Variants in PRKN observed in about 807,000 individuals in gnomAD.
The protein encoded by PRKN is parkin RBR E3 ubiquitin protein ligase, also known as E3 ubiquitin-protein ligase parkin.
A neutral mutation model predicts 59.5 loss-of-function variants in PRKN; 56 were observed. The observed-to-expected ratio is 0.94, with a 90% CI of 0.76 to 1.18. The LOEUF is 1.18. Ranked by LOEUF, PRKN falls within the 50% of genes most tolerant of loss-of-function variation. The probability of loss-of-function intolerance (pLI) is 0.00; values close to 1 mark genes in which losing one functional copy is unlikely to be tolerated. For missense variants in PRKN, 657 were observed against 596.4 expected (o/e 1.10, Z -1.06); for synonymous variants, 250 against 222.1 (o/e 1.13, Z -1.12).
intron 2 of PRKN, among the ~76,000 whole-genome samples, chr6:162,387,869 T>A (rs1786935043): frequency 6.6e-6 from 1 of 152,214 alleles, no homozygotes; most frequent in Admixed American, 6.5e-5. Context: ...GGCCTCTGGC[T>A]GAGTAGATGC....
chr6:161,492,822 T>C (rs1396837136), intron 9 of PRKN, among the ~76,000 whole-genome samples: 5 of 152,160 alleles, frequency 3.3e-5, no homozygotes, highest in African/African-American at 9.7e-5. Context: ...ATGGCATGCA[T>C]TGATGAACGT....
intron 1 of PRKN, among the ~76,000 whole-genome samples, chr6:162,716,212 T>C (rs1235239003): frequency 6.6e-6 from 1 of 152,246 alleles, no homozygotes; most frequent in African/African-American, 2.4e-5. Context: ...ATTTATTCCA[T>C]ATTAGAGTTT....
chr6:161,364,998 G>C (rs1332905539), intron 10 of PRKN, among the ~76,000 whole-genome samples: 1 of 151,962 alleles, frequency 6.6e-6, no homozygotes, highest in African/African-American at 2.4e-5. Flanking sequence ...GTGAGAATTG[G>C]ATGATTCTAA....
At chr6:161,594,358 G>A (rs1013174156) in intron 7 of PRKN, among the ~76,000 whole-genome samples, 1 of 152,138 alleles carries the variant, frequency 6.6e-6, no homozygotes, top group East Asian at 1.9e-4. Flanking sequence ...AGAGAAGGAA[G>A]GAAAGAAAGA....
At chr6:161,627,946 T>A (rs1452355991) in intron 7 of PRKN, among the ~76,000 whole-genome samples, 1 of 152,112 alleles carries the variant, frequency 6.6e-6, no homozygotes, top group East Asian at 1.9e-4. Context: ...TTATTTTTTA[T>A]TTTTTGGCTT....
chr6:162,309,955 A>G (rs1040904530), intron 2 of PRKN, among the ~76,000 whole-genome samples: 1 of 152,202 alleles, frequency 6.6e-6, no homozygotes, highest in African/African-American at 2.4e-5. Flanking sequence ...ATGTAAGAAC[A>G]TGCTGTGTTT....
chr6:162,546,371 G>A (rs981330814), intron 1 of PRKN, among the ~76,000 whole-genome samples: 2 of 151,920 alleles, frequency 1.3e-5, no homozygotes, highest in African/African-American at 4.8e-5. Context: ...CCAAAGTGCT[G>A]GGATTACAGG....
rs546665661 is a variant in PRKN, at chr6:161,352,204, C to G, written c.1286-1993G>C. Among the ~76,000 whole-genome samples the G allele has an allele frequency of 6.6e-6, 1 of 152,152 alleles. No individual in the cohort carries two copies. Among genetic ancestry groups the G allele is most frequent in the Non-Finnish European group, 1.5e-5 (1 of 68,028 alleles). ...TGCCAAATTTTCCAAGTAATTGGTT[C>G]GGTGCTGTCTCACTTTTATTATTAG... On this transcript the variant is annotated intron_variant, in intron 11 of 11. Transcript: ENST00000366898. This position sits in a 1 kb window ranked among gnomAD's most constrained non-coding sequence, Gnocchi z 5.8.
chr6:161,954,796 C>T (rs1422635162), intron 6 of PRKN, among the ~76,000 whole-genome samples: 1 of 152,170 alleles, frequency 6.6e-6, no homozygotes, highest in Non-Finnish European at 1.5e-5. Context: ...TGCTTTATCT[C>T]TGTACAACCA....
At chr6:162,174,021 C>G (rs898118763) in intron 4 of PRKN, among the ~76,000 whole-genome samples, 2 of 152,020 alleles carry the variant, frequency 1.3e-5, no homozygotes, top group Non-Finnish European at 2.9e-5. Flanking sequence ...CTGCTCTATG[C>G]GTAATCTTTG....
intron 7 of PRKN, among the ~76,000 whole-genome samples, chr6:161,726,875 GTTC>G (rs1489507685): frequency 6.6e-6 from 1 of 152,090 alleles, no homozygotes; most frequent in Non-Finnish European, 1.5e-5. Context: ...ATTTAAGGAA[GTTC>G]TTCTTGTTCT....
At chr6:161,708,108 T>G (rs1786583989) in intron 7 of PRKN, among the ~76,000 whole-genome samples, 1 of 152,202 alleles carries the variant, frequency 6.6e-6, no homozygotes. Flanking sequence ...TGAATATGAT[T>G]CTTCTCAATA....
chr6:162,399,503 G>C (rs1200387529), intron 2 of PRKN, among the ~76,000 whole-genome samples: 1 of 152,092 alleles, frequency 6.6e-6, no homozygotes, highest in South Asian at 2.1e-4. Context: ...ACATGTCCAT[G>C]AAACCCAAGT....
chr6:162,258,168 T>A (rs899838797), intron 3 of PRKN, among the ~76,000 whole-genome samples: 6 of 152,148 alleles, frequency 3.9e-5, no homozygotes, highest in Admixed American at 6.5e-5. Context: ...TCCCCACCAA[T>A]ACTCTTTGTC....
chr6:162,461,852 G>T (rs1791194695), intron 1 of PRKN, among the ~76,000 whole-genome samples: 1 of 151,604 alleles, frequency 6.6e-6, no homozygotes, highest in South Asian at 2.1e-4. Context: ...CAATGAAGAA[G>T]AGTGGCTAAA....
At chr6:162,721,962 C>T (rs1019250946) in intron 1 of PRKN, among the ~76,000 whole-genome samples, 1 of 152,156 alleles carries the variant, frequency 6.6e-6, no homozygotes, top group African/African-American at 2.4e-5. Context: ...TGAAAAATCA[C>T]GTGTTGCAGG....
In PRKN at chr6:162,692,242, G is replaced by C. The variant is rs116513202; in HGVS notation, c.7+35420C>G. 3.3e-5 allele frequency among the ~76,000 whole-genome samples: 5 copies of C among 151,538 alleles called. No homozygotes were observed. The South Asian group carries it at 6.3e-4, about 19-fold the overall frequency. On this transcript the variant is annotated intron_variant, in intron 1 of 11. Transcript: ENST00000366898. ...GGGATTTCATTTCCCTGTGTATCAA[G>C]AGACTTGTGCAGTAAAGGGTTAACT...
At chr6:161,565,325 T>C (rs1780600513) in intron 8 of PRKN, among the ~76,000 whole-genome samples, 1 of 152,104 alleles carries the variant, frequency 6.6e-6, no homozygotes, top group South Asian at 2.1e-4. Flanking sequence ...TTTCCCAAGT[T>C]TATTCCCTCC....
At chr6:161,607,414 T>G (rs1782321944) in intron 7 of PRKN, among the ~76,000 whole-genome samples, 1 of 151,678 alleles carries the variant, frequency 6.6e-6, no homozygotes, top group Non-Finnish European at 1.5e-5. Flanking sequence ...TAGGGAAGAG[T>G]AGAAGACTTA....
Sources: gnomAD v4.1 joint callset for allele counts (sites outside exome capture counted in the v4.1 genomes callset) on GRCh38, gnomAD v4.1.1 for gene constraint, Gnocchi (gnomAD v3.1) non-coding constraint, MANE v1.5 for transcripts, NCBI Gene and HGNC (gene_info 2026-07-23, HGNC 2026-07-21) for gene names.